Variants in ASPG observed in about 807,000 individuals in gnomAD.
ASPG encodes the protein 60 kDa lysophospholipase.
In ASPG, 53 loss-of-function variants were observed where a neutral mutation model predicts 63.2. The observed-to-expected ratio is 0.84, with a 90% CI of 0.67 to 1.05. ASPG has a LOEUF of 1.05. ASPG is among the 50% of genes least tolerant of loss of function. The probability of loss-of-function intolerance (pLI) is 0.00; values close to 1 mark genes in which losing one functional copy is unlikely to be tolerated. For missense variants in ASPG, 741 were observed against 794.4 expected, an observed-to-expected ratio of 0.93 and a Z score of 0.81; for synonymous variants, 370 against 355.0, an observed-to-expected ratio of 1.04 and a Z score of -0.48.
chr14:104,103,908 G>A (rs1206627869), intron 7 of ASPG, among the ~76,000 whole-genome samples: 3 of 152,262 alleles, frequency 2.0e-5, no homozygotes, highest in South Asian at 2.1e-4. Context: ...CAGCCAGAAC[G>A]GGGTCCTCCA....
intron 11 of ASPG, 59 bp from the exon 12 acceptor site, chr14:104,107,123 G>A (rs2037165813): frequency 6.6e-7 from 1 of 1,517,842 alleles, no homozygotes; most frequent in South Asian, 1.3e-5. Context: ...CCCTCCCCAT[G>A]GCCTACCTGG....
chr14:104,098,795 C>A lies in ASPG; in HGVS notation c.514-58C>A, dbSNP rs2036740789. The A allele has an allele frequency of 5.0e-6, 8 of 1,585,520 alleles. No homozygotes were observed. The Admixed American group carries it at 1.0e-4, about 20-fold the overall frequency. On this transcript the variant is annotated intron_variant, in intron 5 of 15. Coordinates refer to ENST00000551177, the MANE Select transcript of ASPG (RefSeq NM_001080464.3). ...TGATGGCAGGGAGGAAGCTGGAGGG[C>A]AGATGGGTCGGGGACAGGGTGGCCG...
intron 3 of ASPG, among the ~76,000 whole-genome samples, chr14:104,094,965 G>A (rs550863804): frequency 1.3e-5 from 2 of 152,146 alleles, no homozygotes; most frequent in African/African-American, 4.8e-5. Context: ...CCTGGCAGCC[G>A]CAGCCTGGGC....
At chr14:104,092,471 T>C (rs1403729685) in intron 1 of ASPG, among the ~76,000 whole-genome samples, 162 bp from the exon 2 acceptor site, 1 of 152,128 alleles carries the variant, frequency 6.6e-6, no homozygotes, top group East Asian at 1.9e-4. Flanking sequence ...CCGCCTGCCC[T>C]CTGAGGGGTC....
chr14:104,105,482 G>C (rs1268926939), intron 10 of ASPG, 32 bp downstream of exon 10: 1 of 1,521,160 alleles, frequency 6.6e-7, no homozygotes, highest in Non-Finnish European at 8.8e-7. Flanking sequence ...CTGAGTGGCA[G>C]CTGGGGACTG....
In ASPG at chr14:104,097,537, C is replaced by T. The variant is rs7156718; in HGVS notation, c.430-17C>T. 0.61 allele frequency: 952,495 copies of T among 1,548,974 alleles called. 298,486 individuals are homozygous for T. The highest frequency in any genetic ancestry group is 0.64 in the Non-Finnish European group (734,224 of 1,146,274). On this transcript the variant is annotated splice_polypyrimidine_tract_variant and intron_variant, in intron 4 of 15. Coordinates refer to ENST00000551177, the MANE Select transcript of ASPG (RefSeq NM_001080464.3). ...TGGGCTTCCCAGGCCTCAGCTACTC[C>T]GTGGCCTCTCCCCCAGGTGCCCATC...
chr14:104,100,759 T>C (rs1038598819), intron 6 of ASPG, among the ~76,000 whole-genome samples: 1 of 152,010 alleles, frequency 6.6e-6, no homozygotes, highest in African/African-American at 2.4e-5. Context: ...TTGGAGGAGG[T>C]GGCTTGTGAG....
chr14:104,112,365 C>T (rs888381624), intron 15 of ASPG, 159 bp from the exon 16 acceptor site: 9 of 666,762 alleles, frequency 1.3e-5, no homozygotes, highest in Non-Finnish European at 2.5e-5. Flanking sequence ...CCAGCTGACA[C>T]CCCCATTCCC....
chr14:104,111,056 C>G (rs542645689), intron 13 of ASPG: 12 of 985,450 alleles, frequency 1.2e-5, no homozygotes, highest in African/African-American at 1.0e-4. Flanking sequence ...TTGCGGACCC[C>G]GCCCCGGGAA....
chr14:104,089,461 G>C (rs1011380758), intron 1 of ASPG, among the ~76,000 whole-genome samples: 11 of 152,130 alleles, frequency 7.2e-5, no homozygotes, highest in Admixed American at 2.6e-4. Flanking sequence ...GGAGGTTGCA[G>C]TGAGCCGAGA....
Position 104,085,776 on chromosome 14 carries a change from G to C in ASPG, c.6G>C (p.Ala2=). 6.3e-7 allele frequency: 1 copy of C among 1,581,440 alleles called. No homozygotes were observed. Among genetic ancestry groups the C allele is most frequent in the Non-Finnish European group, 8.5e-7 (1 of 1,171,312 alleles). The change falls in exon 1 of 16, where the codon GCG becomes GCC. Residue 2 remains alanine, a synonymous_variant. Coordinates refer to ENST00000551177, the MANE Select transcript of ASPG (RefSeq NM_001080464.3). ...CCCGTGGTCCCCGGTCCGGCATGGC[G>C]CGCGCGGTGGGGCCCGAGCGGAGGC... M[A]RAVGPERRLL...
chr14:104,099,340 C>G (rs2036767686), intron 6 of ASPG, among the ~76,000 whole-genome samples: 1 of 152,212 alleles, frequency 6.6e-6, no homozygotes. Context: ...AGCCTCGTCC[C>G]CAGGAGTTTC....
rs1596115445 is a variant in ASPG at position 104,110,983 on chromosome 14, C to T, written c.1521-519C>T. On this transcript the variant is annotated intron_variant, in intron 13 of 15. Coordinates refer to ENST00000551177, the MANE Select transcript of ASPG (RefSeq NM_001080464.3). This position sits in a 1 kb window ranked among gnomAD's most constrained non-coding sequence, Gnocchi z 4.7. Reference sequence around the variant, plus strand: ...CCGGGGTCCAGGGCCAACCGTTATCCTGGGTTGCCTCCTGTGTCCCCCTCT... The same window carrying T: ...CCGGGGTCCAGGGCCAACCGTTATCTTGGGTTGCCTCCTGTGTCCCCCTCT... The T allele has an allele frequency of 9.1e-6, 9 of 985,458 alleles. No individual in the cohort carries two copies. Among genetic ancestry groups the T allele is most frequent in the Non-Finnish European group, 9.6e-6 (8 of 829,928 alleles). The allele number at this position is 985,458 out of a possible 1,614,324, so 61.0% of individuals were successfully genotyped here.
chr14:104,085,977 G>T, intron 1 of ASPG, 125 bp downstream of exon 1: 1 of 880,758 alleles, frequency 1.1e-6, no homozygotes, highest in Non-Finnish European at 1.6e-6. Flanking sequence ...GGTGCGGGCT[G>T]AGGTCGCTCT....
rs1310636554 is a variant in ASPG at position 104,112,664 on chromosome 14, G to A, written c.*120G>A. On this transcript the variant is annotated 3_prime_UTR_variant, in exon 16 of 16. Coordinates refer to ENST00000551177, the MANE Select transcript of ASPG (RefSeq NM_001080464.3). ...AGCCTGCTCTCATGTAAAGCCTGAAGGCCTTTGTTGGGCAGGACGGCAATA... is the reference window on the plus strand; with the variant it reads ...AGCCTGCTCTCATGTAAAGCCTGAAAGCCTTTGTTGGGCAGGACGGCAATA... 3 of 1,539,580 alleles carry A rather than the reference G, an allele frequency of 1.9e-6. No individual in the cohort carries two copies. The highest frequency in any genetic ancestry group is 2.6e-6 in the Non-Finnish European group (3 of 1,147,680).
chr14:104,107,292 G>T lies in ASPG; in HGVS notation c.1380G>T (p.Val460=), dbSNP rs1197242882. ...VTMLLQRGVD[V]NTRDTDGFSP... ...TGCTGCTGCAGAGAGGTGTGGACGT[G>T]AACACCCGGGACACGGATGGCTTCA... The change falls in exon 12 of 16, where the codon GTG becomes GTT. Residue 460 remains valine (V), a synonymous_variant. Transcript: ENST00000551177. 1 of 1,607,314 alleles carries T rather than the reference G, an allele frequency of 6.2e-7. No homozygotes were observed. The highest frequency in any genetic ancestry group is 8.5e-7 in the Non-Finnish European group (1 of 1,176,570).
chr14:104,112,468 T>C, intron 15 of ASPG, 56 bp from the exon 16 acceptor site: 1 of 1,009,584 alleles, frequency 9.9e-7, no homozygotes, highest in Non-Finnish European at 1.6e-6. Flanking sequence ...CTTGTCTCTC[T>C]GCCCTGCCTT....
chr14:104,106,620 G>A (rs1461133648), intron 10 of ASPG, among the ~76,000 whole-genome samples, 179 bp from the exon 11 acceptor site: 1 of 152,134 alleles, frequency 6.6e-6, no homozygotes, highest in Non-Finnish European at 1.5e-5. Flanking sequence ...ATGGGGTGGG[G>A]TGGTGAGGCT....
intron 3 of ASPG, among the ~76,000 whole-genome samples, chr14:104,094,761 G>A (rs1194945479): frequency 6.6e-6 from 1 of 152,202 alleles, no homozygotes; most frequent in African/African-American, 2.4e-5. Flanking sequence ...GAGCAGCCCT[G>A]GGCAGCCTCA....
Sources: allele counts gnomAD v4.1 joint callset (sites outside exome capture counted in the v4.1 genomes callset), GRCh38; gene constraint gnomAD v4.1.1; non-coding constraint Gnocchi (gnomAD v3.1); transcripts MANE v1.5; gene names NCBI Gene and HGNC (gene_info 2026-07-23, HGNC 2026-07-21).